Variants in BACH2 observed in about 807,000 individuals in gnomAD.
BACH2 encodes transcription regulator protein BACH2.
In BACH2, 5 loss-of-function variants were observed where a neutral mutation model predicts 61.8. The observed-to-expected ratio is 0.08, with a 90% CI of 0.04 to 0.17. BACH2 has a LOEUF of 0.17. Ranked by LOEUF, BACH2 falls within the 10% of genes least tolerant of loss-of-function variation. BACH2 has a pLI of 1.00. For missense variants in BACH2, 824 were observed against 1,091.1 expected (o/e 0.76, Z 3.45); for synonymous variants, 446 against 440.1 (o/e 1.01, Z -0.17).
At chr6:90,237,127 G>A (rs1406205990) in intron 3 of BACH2, among the ~76,000 whole-genome samples, 1 of 152,146 alleles carries the variant, frequency 6.6e-6, no homozygotes, top group Non-Finnish European at 1.5e-5. Flanking sequence ...GTTTCACTGT[G>A]TTAGCCAGGA....
At chr6:90,295,705 G>A (rs1010094229) in intron 1 of BACH2, among the ~76,000 whole-genome samples, 1 of 151,734 alleles carries the variant, frequency 6.6e-6, no homozygotes, top group Admixed American at 6.6e-5. Flanking sequence ...CTTCATGGAG[G>A]ATCTGTGGGA....
At chr6:89,983,145 T>C (rs1429233582) in intron 6 of BACH2, among the ~76,000 whole-genome samples, 1 of 152,244 alleles carries the variant, frequency 6.6e-6, no homozygotes, top group Non-Finnish European at 1.5e-5. Context: ...CCCCATCCTC[T>C]GCCTCCTTCT....
chr6:90,168,854 G>A, intron 4 of BACH2, among the ~76,000 whole-genome samples: 1 of 152,148 alleles, frequency 6.6e-6, no homozygotes, highest in East Asian at 1.9e-4. Flanking sequence ...CTTATTTCCT[G>A]TTCCACGCTG....
intron 6 of BACH2, among the ~76,000 whole-genome samples, chr6:89,955,143 A>G (rs1333392773): frequency 6.6e-6 from 1 of 152,218 alleles, no homozygotes; most frequent in Admixed American, 6.5e-5. Flanking sequence ...GAAACTATGA[A>G]GCAGGGAGGT....
intron 1 of BACH2, among the ~76,000 whole-genome samples, chr6:90,273,828 C>T (rs956184762): frequency 1.3e-5 from 2 of 152,180 alleles, no homozygotes; most frequent in South Asian, 2.1e-4. Flanking sequence ...GGAGGTCTTG[C>T]TCTTTCCTCT....
intron 5 of BACH2, among the ~76,000 whole-genome samples, chr6:90,030,789 G>C (rs1364731455): frequency 1.3e-5 from 2 of 151,894 alleles, no homozygotes; most frequent in African/African-American, 4.8e-5. Flanking sequence ...GGAGGGGCTG[G>C]TACCATTCCT....
At chr6:90,047,366 A>G (rs747674550) in intron 5 of BACH2, among the ~76,000 whole-genome samples, 14 of 152,126 alleles carry the variant, frequency 9.2e-5, no homozygotes, top group Admixed American at 2.0e-4. Flanking sequence ...TGAGAATCCA[A>G]TGTCAGCTAG....
At chr6:90,262,537 G>A (rs1430024966) in intron 2 of BACH2, among the ~76,000 whole-genome samples, 1 of 152,100 alleles carries the variant, frequency 6.6e-6, no homozygotes, top group African/African-American at 2.4e-5. Context: ...GCACTAAATG[G>A]ATGTTTACTG....
At chr6:90,112,244 T>C (rs117110862) in intron 4 of BACH2, among the ~76,000 whole-genome samples, 1 of 152,252 alleles carries the variant, frequency 6.6e-6, no homozygotes, top group Non-Finnish European at 1.5e-5. Flanking sequence ...GAGAGAATCA[T>C]ATAGTGGCTC....
chr6:90,074,636 C>T (rs868464478), intron 5 of BACH2, among the ~76,000 whole-genome samples: 3 of 152,066 alleles, frequency 2.0e-5, no homozygotes, highest in Non-Finnish European at 2.9e-5. Context: ...CAATTCCTTT[C>T]GAGATATGCT....
chr6:89,981,727 T>G (rs969884327), intron 6 of BACH2, among the ~76,000 whole-genome samples: 1 of 152,202 alleles, frequency 6.6e-6, no homozygotes, highest in Non-Finnish European at 1.5e-5. Flanking sequence ...TTAAAAATCC[T>G]GGGTCTGGGG....
chr6:90,059,697 T>TCA (rs1211058118), intron 5 of BACH2, among the ~76,000 whole-genome samples: 2 of 152,030 alleles, frequency 1.3e-5, no homozygotes, highest in East Asian at 3.9e-4. Context: ...GCAGCACTAT[T>TCA]CACAATAGCA....
chr6:90,262,717 G>A (rs1771201370), intron 2 of BACH2, among the ~76,000 whole-genome samples: 1 of 152,150 alleles, frequency 6.6e-6, no homozygotes, highest in Non-Finnish European at 1.5e-5. Context: ...CAATTTACAC[G>A]TGAAAAGTGG....
intron 4 of BACH2, among the ~76,000 whole-genome samples, chr6:90,092,291 A>AAAAAAAAAAAAAAAAAAATAT: frequency 8.8e-6 from 1 of 113,826 alleles, no homozygotes; most frequent in African/African-American, 3.6e-5. Flanking sequence ...AAAAAAAAAA[A>AAAAAAAAAAAAAAAAAAATAT]ATATATATAT....
intron 6 of BACH2, among the ~76,000 whole-genome samples, chr6:89,970,110 A>C (rs1386785628): frequency 6.6e-6 from 1 of 152,254 alleles, no homozygotes; most frequent in Non-Finnish European, 1.5e-5. Context: ...GAAATTATAA[A>C]GTGTCTAAAA....
At chr6:90,029,056 T>G (rs1778799328) in intron 5 of BACH2, among the ~76,000 whole-genome samples, 1 of 152,226 alleles carries the variant, frequency 6.6e-6, no homozygotes, top group Non-Finnish European at 1.5e-5. Flanking sequence ...TGACAATGGC[T>G]TGCCTTTTCT....
intron 1 of BACH2, among the ~76,000 whole-genome samples, chr6:90,276,967 G>A (rs2325291): frequency 0.25 from 37,992 of 151,804 alleles, 5,635 homozygotes; most frequent in Non-Finnish European, 0.34. Flanking sequence ...AAATGTGTTC[G>A]GGCATTAAAA....
At chr6:90,082,449 G>GA (rs1015795311) in intron 5 of BACH2, among the ~76,000 whole-genome samples, 6 of 150,206 alleles carry the variant, frequency 4.0e-5, no homozygotes, top group African/African-American at 9.8e-5. Context: ...TTAGAAGGAA[G>GA]AAAAAAAAAG....
intron 5 of BACH2, among the ~76,000 whole-genome samples, chr6:90,048,827 G>A (rs890364388): frequency 6.6e-6 from 1 of 152,158 alleles, no homozygotes; most frequent in Non-Finnish European, 1.5e-5. Context: ...GTTACTGCTT[G>A]CCTGGGAAGA....
Sources: allele counts gnomAD v4.1 joint callset (sites outside exome capture counted in the v4.1 genomes callset), GRCh38; gene constraint gnomAD v4.1.1; transcripts MANE v1.5; gene names NCBI Gene and HGNC (gene_info 2026-07-23, HGNC 2026-07-21).